TSPAN4: variants seen among roughly 807,000 people sequenced by gnomAD.
TSPAN4 encodes tetraspanin 4.
A neutral mutation model predicts 31.5 loss-of-function variants in TSPAN4; 38 were observed. The ratio of observed to expected loss-of-function variants is 1.21; its 90% CI spans 0.93 to 1.58. The LOEUF (loss-of-function observed/expected upper bound fraction) is 1.58. Among genes scored for constraint, TSPAN4 ranks in the 40% most tolerant of loss-of-function variants. TSPAN4 has a pLI of 0.00. For synonymous variants in TSPAN4, 186 were observed against 144.6 expected, an observed-to-expected ratio of 1.29 and a Z score of -2.06; for missense variants, 330 against 317.3, an observed-to-expected ratio of 1.04 and a Z score of -0.30.
At chr11:847,092 A>AGG (rs1847362954) in intron 1 of TSPAN4, 109 bp from the exon 2 acceptor site, 2 of 151,930 alleles carry the variant, frequency 1.3e-5, no homozygotes, top group East Asian at 3.9e-4. Context: ...TCTGCCCTGT[A>AGG]GGGACCTGGC....
chr11:865,417 G>T, intron 5 of TSPAN4, 96 bp from the exon 6 acceptor site: 1 of 953,394 alleles, frequency 1.0e-6, no homozygotes, highest in Non-Finnish European at 1.6e-6. Flanking sequence ...AAGACCAGGC[G>T]CAGGAGGGGC....
chr11:865,913 T>C lies in TSPAN4; in HGVS notation c.565-5T>C, dbSNP rs1374179068. 6.2e-7 allele frequency: 1 copy of C among 1,613,134 alleles called. No homozygotes were observed. The highest frequency in any genetic ancestry group is 1.7e-5 in the Admixed American group (1 of 60,028). ...CCGTGACACGCATGACATCCCTCCC[T>C]GCAGCCGTGCTACGAGACGGTGAAG... On this transcript the variant is annotated splice_region_variant and splice_polypyrimidine_tract_variant and intron_variant, in intron 7 of 8. Transcript: ENST00000397397.
At chr11:863,859 A>C in intron 4 of TSPAN4, 1 of 153,864 alleles carries the variant, frequency 6.5e-6, no homozygotes, top group Non-Finnish European at 1.4e-5. Flanking sequence ...GGTCAGGCTG[A>C]GCTTTGGGGC....
intron 3 of TSPAN4, among the ~76,000 whole-genome samples, chr11:860,676 C>G (rs1848405700): frequency 6.6e-6 from 1 of 152,158 alleles, no homozygotes; most frequent in Admixed American, 6.5e-5. Flanking sequence ...TGAGTCTGGC[C>G]ACTGGGGCTT....
chr11:858,154 C>T (rs1053557553), intron 3 of TSPAN4: 2 of 152,332 alleles, frequency 1.3e-5, no homozygotes, highest in African/African-American at 4.8e-5. Flanking sequence ...CTGGAGGGAC[C>T]ATTGAGTGGG....
chr11:856,588 A>G (rs1248779587), intron 3 of TSPAN4, among the ~76,000 whole-genome samples: 2 of 152,188 alleles, frequency 1.3e-5, no homozygotes, highest in Non-Finnish European at 2.9e-5. Context: ...GGAGGCTTTC[A>G]GCCTATTCCT....
chr11:864,436 G>C lies in TSPAN4; in HGVS notation c.256-1G>C. The C allele has an allele frequency of 1.9e-6, 3 of 1,612,366 alleles. No homozygotes were observed. The highest frequency in any genetic ancestry group is 2.5e-6 in the Non-Finnish European group (3 of 1,179,934). ...CCTGTCTGAGCCTGCCCCCTCCACA[G>C]TTCTTCCTGCTGCTGCTGCTGGTGT... On this transcript the variant is annotated splice_acceptor_variant, in intron 4 of 8. Coordinates refer to ENST00000397397, the MANE Select transcript of TSPAN4 (RefSeq NM_003271.5). LOFTEE classifies it high-confidence loss of function.
intron 2 of TSPAN4, 70 bp from the exon 3 acceptor site, chr11:850,218 C>T: frequency 7.6e-7 from 1 of 1,322,510 alleles, no homozygotes; most frequent in Non-Finnish European, 1.0e-6. Context: ...GGCCCAGGCG[C>T]GCTACACGTC....
Position 865,518 on chromosome 11 carries a change from C to T in TSPAN4, c.336C>T (p.Asp112=), listed in dbSNP as rs759533372. 6.2e-7 allele frequency: 1 copy of T among 1,610,932 alleles called. No individual in the cohort carries two copies. Residue 112 remains aspartate, a synonymous_variant, in exon 6 of 9, where the codon GAC becomes GAT. Coordinates refer to ENST00000397397, the MANE Select transcript of TSPAN4 (RefSeq NM_003271.5). ...GACCCCCCCCGCACCCCCAGATTGA[C>T]AGGTATGCCCAGCAAGACCTGAAGA... ...ILFFAYTDKI[D]RYAQQDLKKG...
intron 4 of TSPAN4, chr11:863,431 C>T (rs1848587832): frequency 6.6e-6 from 1 of 152,262 alleles, no homozygotes; most frequent in African/African-American, 2.4e-5. Context: ...GTTGGGGCCT[C>T]CCTTAGGTCG....
intron 1 of TSPAN4, among the ~76,000 whole-genome samples, chr11:843,927 A>G (rs12577104): frequency 0.73 from 110,888 of 152,066 alleles, 41,752 homozygotes; most frequent in Non-Finnish European, 0.82. Flanking sequence ...GAGTGGTGCT[A>G]GCCAGATCCA....
chr11:859,234 C>T (rs1258559753), intron 3 of TSPAN4, among the ~76,000 whole-genome samples: 3 of 126,088 alleles, frequency 2.4e-5, no homozygotes, highest in African/African-American at 9.4e-5. Flanking sequence ...CACACTCATC[C>T]CCGCTCACAC....
intron 3 of TSPAN4, among the ~76,000 whole-genome samples, chr11:855,351 C>G (rs1847987813): frequency 6.6e-6 from 1 of 152,224 alleles, no homozygotes; most frequent in Non-Finnish European, 1.5e-5. Flanking sequence ...AGCCGTGGTC[C>G]TGGCCTGATG....
intron 1 of TSPAN4, among the ~76,000 whole-genome samples, chr11:845,787 G>A (rs1433493442): frequency 1.3e-5 from 2 of 152,026 alleles, no homozygotes; most frequent in African/African-American, 4.8e-5. Context: ...CAGGAGGAAA[G>A]ACTGGGGGAC....
At chr11:844,983 T>C (rs1377683131) in intron 1 of TSPAN4, among the ~76,000 whole-genome samples, 1 of 152,184 alleles carries the variant, frequency 6.6e-6, no homozygotes, top group Non-Finnish European at 1.5e-5. Flanking sequence ...GGCTGAGCCC[T>C]GGCTGGGATT....
rs141915589 is a variant in TSPAN4, at chr11:865,750, G to A, written c.489G>A (p.Thr163=). ...ACTGGTTCGAGGTGTACAACGCCAC[G>A]CGGGTACCTGACTCCTGCTGCTTGG... ...YTDWFEVYNA[T]RVPDSCCLEF... is the part of the protein sequence containing the mutation. Residue 163 remains threonine (T), a synonymous_variant, in exon 7 of 9, where the codon ACG becomes ACA. Transcript: ENST00000397397. The A allele has an allele frequency of 4.5e-5, 72 of 1,613,216 alleles. No individual in the cohort carries two copies. Among genetic ancestry groups the A allele is most frequent in the East Asian group, 3.6e-4 (16 of 44,842 alleles).
chr11:863,183 C>G (rs75789750), intron 4 of TSPAN4: 1 of 159,534 alleles, frequency 6.3e-6, no homozygotes, highest in African/African-American at 2.4e-5. Flanking sequence ...GCTGCTGGGA[C>G]GATCCCAGCC....
intron 3 of TSPAN4, among the ~76,000 whole-genome samples, chr11:856,005 A>G (rs1005925221): frequency 6.6e-6 from 1 of 152,160 alleles, no homozygotes; most frequent in Non-Finnish European, 1.5e-5. Flanking sequence ...AGCATACTCG[A>G]TGGACTCCAG....
At chr11:864,825 G>A (rs889438992) in intron 5 of TSPAN4, 24 of 504,190 alleles carry the variant, frequency 4.8e-5, no homozygotes, top group South Asian at 1.2e-4. Context: ...GCCGCGCACC[G>A]TGGGGTTCTC....
Sources: allele counts gnomAD v4.1 joint callset (sites outside exome capture counted in the v4.1 genomes callset), GRCh38; gene constraint gnomAD v4.1.1; transcripts MANE v1.5; gene names NCBI Gene and HGNC (gene_info 2026-07-23, HGNC 2026-07-21).